URB1: variants seen among roughly 807,000 people sequenced by gnomAD.
URB1 encodes the protein URB1 ribosome biogenesis factor, also known as nucleolar pre-ribosomal-associated protein 1.
A neutral mutation model predicts 242.3 loss-of-function variants in URB1; 197 were observed. The observed-to-expected ratio is 0.81, with a 90% confidence interval of 0.72 to 0.91. URB1 has a LOEUF of 0.91. Among genes scored for constraint, URB1 ranks in the 40% least tolerant of loss-of-function variants. The probability of loss-of-function intolerance (pLI) is 0.00; values close to 1 mark genes in which losing one functional copy is unlikely to be tolerated. For missense variants in URB1, 2,721 were observed against 2,860.5 expected, an observed-to-expected ratio of 0.95 and a Z score of 1.11; for synonymous variants, 1,153 against 1,201.8, an observed-to-expected ratio of 0.96 and a Z score of 0.84.
chr21:32,347,697 G>C lies in URB1; in HGVS notation c.3127C>G (p.Leu1043Val), dbSNP rs762234277. 2.6e-6 allele frequency: 4 copies of C among 1,551,346 alleles called. No homozygotes were observed. Among genetic ancestry groups the C allele is most frequent in the Non-Finnish European group, 3.5e-6 (4 of 1,146,998 alleles). ...CCTGCACTAAAGTGGGTGGCCAGGA[G>C]CTTCACGAGGACAGGGCTGAGCGTG... Reference protein sequence around the residue: ...PHTLSPVLVKLLATHFSAGVL... With the variant: ...PHTLSPVLVKVLATHFSAGVL... The change falls in exon 22 of 39, where the codon CTC (leucine) becomes GTC (valine). Residue 1043 changes from leucine (L) to valine (V), a missense_variant. By Grantham distance (32) the Leu-to-Val change is conservative. Transcript: ENST00000382751.
chr21:32,319,340 T>C lies in URB1; in HGVS notation c.5669A>G (p.Lys1890Arg), dbSNP rs1352149416. The C allele has an allele frequency of 1.3e-6, 2 of 1,551,066 alleles. No individual in the cohort carries two copies. Among genetic ancestry groups the C allele is most frequent in the Non-Finnish European group, 1.7e-6 (2 of 1,146,748 alleles). Residue 1890 changes from lysine (K) to arginine (R), a missense_variant, in exon 36 of 39, where the codon AAG becomes AGG. By Grantham distance (26) the Lys-to-Arg change is conservative. Coordinates refer to ENST00000382751, the MANE Select transcript of URB1 (RefSeq NM_014825.3). ...HTLWVTNLGD[K>R]AVEWESQRLC... ...GCGCTGGCTCTCCCACTCCACTGCC[T>C]TGTCCCCCAGGTTGGTCACCCACAG...
intron 37 of URB1, 66 bp downstream of exon 37, chr21:32,317,610 G>A: frequency 1.3e-6 from 2 of 1,522,178 alleles, no homozygotes; most frequent in Non-Finnish European, 1.8e-6. Flanking sequence ...GAGAGAGAGG[G>A]AGGGACGGAC....
In URB1 at chr21:32,334,175, C is replaced by G; in HGVS notation, c.4845G>C (p.Leu1615=). Residue 1615 remains leucine, a synonymous_variant, in exon 29 of 39, where the codon CTG becomes CTC. Transcript: ENST00000382751. ...GCAGCAGCCCAACCTCGGGGGGCAGCAGCCTCCGGTTCTGGGGGAAGTGCA... is the reference window on the plus strand; with the variant it reads ...GCAGCAGCCCAACCTCGGGGGGCAGGAGCCTCCGGTTCTGGGGGAAGTGCA... ...TILHFPQNRR[L]LPPEDTQELI... 1 of 1,545,634 alleles carries G rather than the reference C, an allele frequency of 6.5e-7. No individual in the cohort carries two copies. Among genetic ancestry groups the G allele is most frequent in the Admixed American group, 2.0e-5 (1 of 50,750 alleles).
intron 4 of URB1, among the ~76,000 whole-genome samples, chr21:32,381,539 T>C (rs1164414717): frequency 1.3e-5 from 2 of 151,234 alleles, no homozygotes; most frequent in Admixed American, 6.6e-5. Context: ...GGATCAAAGA[T>C]ATTTAAGAAA....
intron 30 of URB1, among the ~76,000 whole-genome samples, chr21:32,326,741 T>C (rs1052945988): frequency 9.2e-5 from 14 of 152,322 alleles, no homozygotes; most frequent in Non-Finnish European, 1.9e-4. Context: ...TCTACCATAA[T>C]TGAAAGTTTC....
chr21:32,347,391 C>T lies in URB1; in HGVS notation c.3433G>A (p.Gly1145Arg), dbSNP rs551799266. 3.0e-5 allele frequency: 46 copies of T among 1,551,414 alleles called. No homozygotes were observed. Among genetic ancestry groups the T allele is most frequent in the African/African-American group, 8.2e-5 (6 of 73,150 alleles). The change falls in exon 22 of 39, where the codon GGG becomes AGG. Residue 1145 changes from glycine (G) to arginine (R), a missense_variant. Transcript: ENST00000382751. ...LVTQQPTKSP[G>R]KERHLNALGK... ...AGAGCATTCAGGTGTCTTTCCTTCCCGGGGGATTTCGTGGGTTGCTGGGTC... is the reference window on the plus strand; with the variant it reads ...AGAGCATTCAGGTGTCTTTCCTTCCTGGGGGATTTCGTGGGTTGCTGGGTC...
In URB1 at chr21:32,314,405, G is replaced by A. The variant is rs974059706; in HGVS notation, c.*513C>T. ...TCACCATGTTGGGAAGGCTGGTTTCGAACTCCTGACCTCAGGTGATTCACC... is the reference window on the plus strand; with the variant it reads ...TCACCATGTTGGGAAGGCTGGTTTCAAACTCCTGACCTCAGGTGATTCACC... On this transcript the variant is annotated 3_prime_UTR_variant, in exon 39 of 39. Coordinates refer to ENST00000382751, the MANE Select transcript of URB1 (RefSeq NM_014825.3). 1.0e-5 allele frequency: 7 copies of A among 681,000 alleles called. No homozygotes were observed. The highest frequency in any genetic ancestry group is 3.0e-5 in the East Asian group (1 of 33,856). 42.2% of individuals were successfully genotyped at this position (681,000 alleles called of 1,614,324 possible).
At chr21:32,361,844 C>T in intron 12 of URB1, 48 bp downstream of exon 12, 1 of 1,541,602 alleles carries the variant, frequency 6.5e-7, no homozygotes, top group Non-Finnish European at 8.8e-7. Flanking sequence ...AGTGTCAGCT[C>T]TGTCCCATGC....
Position 32,347,716 on chromosome 21 carries a change from G to A in URB1, c.3108C>T (p.Leu1036=), listed in dbSNP as rs1240765709. 6.4e-7 allele frequency: 1 copy of A among 1,550,896 alleles called. No homozygotes were observed. The highest frequency in any genetic ancestry group is 8.7e-7 in the Non-Finnish European group (1 of 1,146,994). The part of the protein sequence containing the change: ...LEQQALPPHT[L]SPVLVKLLAT... ...CCAGGAGCTTCACGAGGACAGGGCT[G>A]AGCGTGTGCGGCGGGAGGGCCTGCT... Residue 1036 remains leucine (L), a synonymous_variant, in exon 22 of 39, where the codon CTC becomes CTT. Transcript: ENST00000382751.
chr21:32,363,938 G>A (rs1342005190), intron 10 of URB1, among the ~76,000 whole-genome samples: 2 of 151,498 alleles, frequency 1.3e-5, no homozygotes, highest in African/African-American at 4.9e-5. Context: ...TTATGAGTGT[G>A]AACCACTGTG....
chr21:32,319,943 A>C (rs1262336918), intron 35 of URB1, among the ~76,000 whole-genome samples: 1 of 152,212 alleles, frequency 6.6e-6, no homozygotes, highest in African/African-American at 2.4e-5. Context: ...TGTAAGACAG[A>C]GCCCTCCCGC....
chr21:32,346,928 A>G, intron 22 of URB1, 28 bp downstream of exon 22: 2 of 1,474,132 alleles, frequency 1.4e-6, no homozygotes, highest in Non-Finnish European at 1.8e-6. Context: ...TTAAGACCCC[A>G]GCTGCCCAAA....
chr21:32,382,034 G>C (rs186921970), intron 4 of URB1, among the ~76,000 whole-genome samples: 1 of 152,304 alleles, frequency 6.6e-6, no homozygotes, highest in East Asian at 1.9e-4. Context: ...ACAGATCCTG[G>C]AGAGGTAAAA....
In URB1 at chr21:32,373,734, C is replaced by T. The variant is rs950200992; in HGVS notation, c.789G>A (p.Val263=). 6.5e-7 allele frequency: 1 copy of T among 1,547,544 alleles called. No homozygotes were observed. Among genetic ancestry groups the T allele is most frequent in the Non-Finnish European group, 8.7e-7 (1 of 1,145,602 alleles). Residue 263 remains valine, a synonymous_variant, in exon 7 of 39, where the codon GTG becomes GTA. Coordinates refer to ENST00000382751, the MANE Select transcript of URB1 (RefSeq NM_014825.3). ...TCAATAACTGCCCCGTAAAGAAACG[C>T]ACCTTCTGGGTTTTTGTGATATTTT... ...HNKNITKTQK[V]RFFTGQLLNH...
chr21:32,336,956 GAGTC>G (rs2032966193), intron 28 of URB1, 134 bp downstream of exon 28: 1 of 830,998 alleles, frequency 1.2e-6, no homozygotes, highest in Non-Finnish European at 2.0e-6. Flanking sequence ...AAGCCAGTGT[GAGTC>G]AGGGGAGTGC....
At chr21:32,378,672 A>G in intron 4 of URB1, 131 bp from the exon 5 acceptor site, 1 of 724,910 alleles carries the variant, frequency 1.4e-6, no homozygotes, top group Non-Finnish European at 2.4e-6. Flanking sequence ...CCCAGTCACC[A>G]GGGGATGCAA....
Position 32,353,926 on chromosome 21 carries a change from T to C in URB1, c.2416+7A>G, listed in dbSNP as rs1300508151. 8 of 1,551,418 alleles carry C rather than the reference T, an allele frequency of 5.2e-6. No homozygotes were observed. The African/African-American group carries it at 5.5e-5, about 11-fold the overall frequency. ...GCAGCCAAGACATCCTGACTATACATAGGTACCTGCTTCATTGCCTGTCCC... is the reference window on the plus strand; with the variant it reads ...GCAGCCAAGACATCCTGACTATACACAGGTACCTGCTTCATTGCCTGTCCC... On this transcript the variant is annotated splice_region_variant and intron_variant, in intron 18 of 38. Transcript: ENST00000382751.
intron 13 of URB1, 111 bp from the exon 14 acceptor site, chr21:32,360,019 G>T: frequency 1.0e-6 from 1 of 953,434 alleles, no homozygotes; most frequent in Non-Finnish European, 1.6e-6. Flanking sequence ...GAAAAAGGGT[G>T]GATGCAGGGT....
At chr21:32,352,943 C>A in intron 18 of URB1, 37 bp from the exon 19 acceptor site, 1 of 1,503,182 alleles carries the variant, frequency 6.7e-7, no homozygotes. Context: ...AAGAGGCTGG[C>A]TGGGCCCACC....
Sources: allele counts gnomAD v4.1 joint callset (sites outside exome capture counted in the v4.1 genomes callset), GRCh38; gene constraint gnomAD v4.1.1; transcripts MANE v1.5; gene names NCBI Gene and HGNC (gene_info 2026-07-23, HGNC 2026-07-21).